Variants in MSRA observed in about 807,000 individuals in gnomAD.
MSRA encodes methionine sulfoxide reductase A, also known as mitochondrial peptide methionine sulfoxide reductase.
In MSRA, 54 loss-of-function variants were observed where a neutral mutation model predicts 31.3. The ratio of observed to expected loss-of-function variants is 1.73; its 90% CI spans 1.39 to 2.17. The LOEUF is 2.17. Ranked by LOEUF, MSRA falls within the 30% of genes most tolerant of loss-of-function variation. The pLI, the probability that MSRA is intolerant of heterozygous loss-of-function variation, is 0.00. For synonymous variants in MSRA, 169 were observed against 116.5 expected (o/e 1.45, Z -2.90); for missense variants, 507 against 300.9 (o/e 1.69, Z -5.07).
intron 1 of MSRA, among the ~76,000 whole-genome samples, chr8:10,133,989 C>A (rs1240422447): frequency 6.6e-6 from 1 of 152,078 alleles, no homozygotes; most frequent in East Asian, 1.9e-4. Context: ...TGCCACCATG[C>A]CTGGCTAATT....
chr8:10,229,356 T>C (rs1279780852), intron 2 of MSRA, among the ~76,000 whole-genome samples: 1 of 152,194 alleles, frequency 6.6e-6, no homozygotes, highest in Admixed American at 6.5e-5. Context: ...AAGAGTTTTA[T>C]GCTTGAGAAA....
rs1042123550 is a variant in MSRA, at chr8:10,318,539, T to G, written c.437-1344T>G. On this transcript the variant is annotated intron_variant, in intron 4 of 5. Transcript: ENST00000317173. ...AAAGAGGAAAGACATATAGGAGTTATTCTATCATCAATAACATTTTTCTGT... is the reference window on the plus strand; with the variant it reads ...AAAGAGGAAAGACATATAGGAGTTAGTCTATCATCAATAACATTTTTCTGT... Among the ~76,000 whole-genome samples the G allele has an allele frequency of 9.2e-5, 14 of 152,328 alleles. No individual in the cohort carries two copies. In the East Asian group the frequency reaches 1.9e-3, roughly 21 times the overall value.
intron 3 of MSRA, among the ~76,000 whole-genome samples, chr8:10,293,709 C>G (rs1800374712): frequency 6.6e-6 from 1 of 152,072 alleles, no homozygotes; most frequent in South Asian, 2.1e-4. Flanking sequence ...TGTTTCCTTC[C>G]TCCCCTCCTG....
At chr8:10,159,111 G>T (rs1804420070) in intron 1 of MSRA, among the ~76,000 whole-genome samples, 1 of 152,222 alleles carries the variant, frequency 6.6e-6, no homozygotes, top group Non-Finnish European at 1.5e-5. Flanking sequence ...CAGCAGACAG[G>T]CCAAGGTAGT....
At chr8:10,280,663 C>T (rs1799573027) in intron 3 of MSRA, among the ~76,000 whole-genome samples, 1 of 152,176 alleles carries the variant, frequency 6.6e-6, no homozygotes, top group South Asian at 2.1e-4. Context: ...CAATTCTACT[C>T]TTAGGTATAT....
At chr8:10,071,975 G>T (rs1797755637) in intron 1 of MSRA, among the ~76,000 whole-genome samples, 1 of 152,110 alleles carries the variant, frequency 6.6e-6, no homozygotes, top group South Asian at 2.1e-4. Flanking sequence ...GTGTCCAGGG[G>T]TCCCTCGTGG....
chr8:10,214,211 CT>C (rs1008053812), intron 2 of MSRA, among the ~76,000 whole-genome samples: 1 of 152,022 alleles, frequency 6.6e-6, no homozygotes, highest in Admixed American at 6.5e-5. Flanking sequence ...TTCGCGTGAC[CT>C]TTTTTTGAAC....
intron 2 of MSRA, among the ~76,000 whole-genome samples, chr8:10,218,290 C>T (rs570635454): frequency 2.0e-5 from 3 of 152,070 alleles, no homozygotes; most frequent in South Asian, 2.1e-4. Flanking sequence ...GGATTATAGG[C>T]GTGCACCACC....
intron 2 of MSRA, among the ~76,000 whole-genome samples, chr8:10,233,488 C>CA (rs1811673128): frequency 6.6e-6 from 1 of 152,030 alleles, no homozygotes; most frequent in South Asian, 2.1e-4. Flanking sequence ...TAAACTATGA[C>CA]AGAAAATAGG....
At chr8:10,345,011 C>G (rs1803681032) in intron 5 of MSRA, among the ~76,000 whole-genome samples, 1 of 152,140 alleles carries the variant, frequency 6.6e-6, no homozygotes, top group Admixed American at 6.5e-5. Context: ...GGAGGCAGGG[C>G]TCAGTTGGGA....
chr8:10,419,759 C>T (rs35112858), intron 5 of MSRA, among the ~76,000 whole-genome samples: 39,607 of 152,034 alleles, frequency 0.26, 5,434 homozygotes, highest in Non-Finnish European at 0.31. Context: ...GGAGGGCAGG[C>T]GGGCAAGTCT....
intron 1 of MSRA, among the ~76,000 whole-genome samples, chr8:10,150,429 A>G (rs1164935518): frequency 6.6e-6 from 1 of 152,212 alleles, no homozygotes; most frequent in Non-Finnish European, 1.5e-5. Context: ...CAGTGATATT[A>G]AATACATAAC....
intron 1 of MSRA, among the ~76,000 whole-genome samples, chr8:10,155,462 C>T (rs540716317): frequency 3.3e-5 from 5 of 152,296 alleles, no homozygotes; most frequent in East Asian, 3.9e-4. Flanking sequence ...CACACATTCT[C>T]TCTCTCTCAC....
chr8:10,266,533 C>T (rs988655987), intron 3 of MSRA, among the ~76,000 whole-genome samples: 5 of 151,892 alleles, frequency 3.3e-5, no homozygotes, highest in Non-Finnish European at 7.4e-5. Flanking sequence ...GAGTCTGTGG[C>T]TTGTCTTAGC....
chr8:10,069,061 C>G (rs189215481), intron 1 of MSRA, among the ~76,000 whole-genome samples: 21 of 152,286 alleles, frequency 1.4e-4, no homozygotes, highest in African/African-American at 5.1e-4. Context: ...TTTGTGATTT[C>G]AAATTCCAGT....
chr8:10,336,169 A>G (rs904875410), intron 5 of MSRA, among the ~76,000 whole-genome samples: 1 of 152,208 alleles, frequency 6.6e-6, no homozygotes, highest in Non-Finnish European at 1.5e-5. Flanking sequence ...CTAATGGTTG[A>G]GGATTTTTTG....
At chr8:10,244,697 A>G (rs924589367) in intron 2 of MSRA, among the ~76,000 whole-genome samples, 8 of 152,226 alleles carry the variant, frequency 5.3e-5, no homozygotes, top group African/African-American at 1.9e-4. Flanking sequence ...ACTTAGTGCT[A>G]TACTTTGGTA....
chr8:10,103,855 A>T (rs1466553734), intron 1 of MSRA, among the ~76,000 whole-genome samples: 1 of 152,050 alleles, frequency 6.6e-6, no homozygotes, highest in Non-Finnish European at 1.5e-5. Context: ...GTTAAAAAAA[A>T]AAATTAAGGA....
chr8:10,339,331 G>A (rs895419119), intron 5 of MSRA, among the ~76,000 whole-genome samples: 1 of 152,128 alleles, frequency 6.6e-6, no homozygotes, highest in Non-Finnish European at 1.5e-5. Context: ...GGCAACTCAT[G>A]TTTGAAATTA....
Sources: gnomAD v4.1 joint callset for allele counts (sites outside exome capture counted in the v4.1 genomes callset) on GRCh38, gnomAD v4.1.1 for gene constraint, MANE v1.5 for transcripts, NCBI Gene and HGNC (gene_info 2026-07-23, HGNC 2026-07-21) for gene names.